Variants in MARK2 observed in about 807,000 individuals in gnomAD.
The protein encoded by MARK2 is microtubule affinity regulating kinase 2, also known as serine/threonine-protein kinase MARK2.
In MARK2, 16 loss-of-function variants were observed where a neutral mutation model predicts 89.8. The ratio of observed to expected loss-of-function variants is 0.18; its 90% CI spans 0.12 to 0.27. MARK2 has a LOEUF of 0.27. Ranked by LOEUF, MARK2 falls within the 10% of genes least tolerant of loss-of-function variation. The pLI, the probability that MARK2 is intolerant of heterozygous loss-of-function variation, is 1.00. For synonymous variants in MARK2, 382 were observed against 399.5 expected, an observed-to-expected ratio of 0.96 and a Z score of 0.52; for missense variants, 621 against 1,049.9, an observed-to-expected ratio of 0.59 and a Z score of 5.65.
At chr11:63,877,308 A>G (rs1362267765) in intron 1 of MARK2, among the ~76,000 whole-genome samples, 2 of 151,488 alleles carry the variant, frequency 1.3e-5, no homozygotes, top group Admixed American at 6.6e-5. Context: ...ATGGGGTTTC[A>G]TCATGTTGGC....
intron 1 of MARK2, among the ~76,000 whole-genome samples, chr11:63,876,175 G>C (rs983891598): frequency 1.1e-4 from 17 of 152,186 alleles, no homozygotes; most frequent in African/African-American, 3.1e-4. Context: ...CCTGGGTGCA[G>C]ACTTGAACCC....
chr11:63,851,274 A>G (rs948492446), intron 1 of MARK2, among the ~76,000 whole-genome samples: 7 of 152,004 alleles, frequency 4.6e-5, no homozygotes, highest in Non-Finnish European at 8.8e-5. Context: ...GTTTTTTCAC[A>G]TTGAAGCTGT....
In MARK2 at chr11:63,898,782, A is replaced by G. The variant is rs767380393; in HGVS notation, c.423A>G (p.Leu141=). 1.6e-5 allele frequency: 26 copies of G among 1,614,122 alleles called. No individual in the cohort carries two copies. Among genetic ancestry groups the G allele is most frequent in the Non-Finnish European group, 2.2e-5 (26 of 1,180,004 alleles). ...TTACAGGAGAGGTATTTGATTACCT[A>G]GTGGCTCATGGCAGGATGAAAGAAA... ...YASGGEVFDY[L]VAHGRMKEKE... The change falls in exon 6 of 19, where the codon CTA becomes CTG. Residue 141 remains leucine (L), a synonymous_variant. Coordinates refer to ENST00000402010, the MANE Select transcript of MARK2 (RefSeq NM_001039469.3).
chr11:63,888,045 G>C (rs560908453), intron 1 of MARK2, among the ~76,000 whole-genome samples: 1 of 152,208 alleles, frequency 6.6e-6, no homozygotes, highest in South Asian at 2.1e-4. Flanking sequence ...AGTGATAAAG[G>C]CTCTTAATCT....
At chr11:63,845,405 G>T (rs2016229021) in intron 1 of MARK2, among the ~76,000 whole-genome samples, 1 of 152,198 alleles carries the variant, frequency 6.6e-6, no homozygotes, top group Non-Finnish European at 1.5e-5. Flanking sequence ...TGACAAACCA[G>T]ATAGGTGGCT....
chr11:63,898,152 C>T (rs901212506), intron 3 of MARK2, 80 bp from the exon 4 acceptor site: 22 of 1,300,392 alleles, frequency 1.7e-5, no homozygotes, highest in Non-Finnish European at 2.3e-5. Flanking sequence ...TTGGGAAAAA[C>T]AAATCCTGGC....
intron 1 of MARK2, among the ~76,000 whole-genome samples, chr11:63,875,660 C>T (rs1938706733): frequency 6.6e-6 from 1 of 152,182 alleles, no homozygotes; most frequent in African/African-American, 2.4e-5. Flanking sequence ...GGAAACCGCC[C>T]TTGAGATGGG....
At chr11:63,895,686 T>TTTTTTG in intron 3 of MARK2, 53 bp downstream of exon 3, 1 of 1,059,838 alleles carries the variant, frequency 9.4e-7, no homozygotes, top group Non-Finnish European at 1.3e-6. Context: ...TTTTTTTTTT[T>TTTTTTG]GAGTCAGAGC....
rs757867779 is a variant in MARK2 at position 63,903,177 on chromosome 11, G to A, written c.1514+19G>A. The stretch of plus-strand genomic sequence containing the variant: ...AAGACAGGTGAGAGACCCGGGCCCT[G>A]CCTGCCTCACTCCCTAGGAGCCATG... On this transcript the variant is annotated intron_variant, in intron 14 of 18. Transcript: ENST00000402010. The surrounding 1 kb of genome is among the most constrained non-coding windows in gnomAD (Gnocchi z 5.1). 6.3e-7 allele frequency: 1 copy of A among 1,584,080 alleles called. No individual in the cohort carries two copies.
intron 1 of MARK2, among the ~76,000 whole-genome samples, chr11:63,842,302 C>T (rs1386268639): frequency 1.3e-5 from 2 of 151,552 alleles, no homozygotes; most frequent in Non-Finnish European, 1.5e-5. Context: ...CTGCAATCTC[C>T]GCCTCCTGGG....
chr11:63,887,362 A>G (rs751602587), intron 1 of MARK2, among the ~76,000 whole-genome samples: 2 of 152,206 alleles, frequency 1.3e-5, no homozygotes, highest in Non-Finnish European at 2.9e-5. Flanking sequence ...CTGAATGCCA[A>G]TTTCTCAATG....
At chr11:63,850,567 C>T (rs1042297351) in intron 1 of MARK2, among the ~76,000 whole-genome samples, 1 of 151,808 alleles carries the variant, frequency 6.6e-6, no homozygotes, top group African/African-American at 2.4e-5. Context: ...TTTTATAAGG[C>T]ATCAATATTA....
chr11:63,841,720 A>T (rs757878589), intron 1 of MARK2, among the ~76,000 whole-genome samples: 5 of 152,230 alleles, frequency 3.3e-5, no homozygotes, highest in Non-Finnish European at 7.3e-5. Flanking sequence ...GCCTACTCTC[A>T]GTGAGGCTGG....
chr11:63,870,364 C>T (rs1938376446), intron 1 of MARK2, among the ~76,000 whole-genome samples: 1 of 152,148 alleles, frequency 6.6e-6, no homozygotes, highest in African/African-American at 2.4e-5. Flanking sequence ...TGAGCCGTGG[C>T]GCCCGGCTGG....
At chr11:63,901,353 C>T (rs1200400206) in intron 11 of MARK2, among the ~76,000 whole-genome samples, 3 of 150,348 alleles carry the variant, frequency 2.0e-5, no homozygotes, top group Non-Finnish European at 4.4e-5. Flanking sequence ...TCTAGGTCAT[C>T]GGCTAGCACT....
intron 1 of MARK2, among the ~76,000 whole-genome samples, chr11:63,844,735 G>A (rs2016192690): frequency 6.6e-6 from 1 of 152,196 alleles, no homozygotes; most frequent in African/African-American, 2.4e-5. Flanking sequence ...CAGGGTTCGA[G>A]CTTTTGGGAG....
intron 1 of MARK2, among the ~76,000 whole-genome samples, chr11:63,866,353 A>C: frequency 9.6e-6 from 1 of 104,396 alleles, no homozygotes; most frequent in African/African-American, 8.4e-5. Flanking sequence ...CTCAGTCTCA[A>C]AAAAAAAAAA....
At chr11:63,907,920 T>C (rs569031593) in intron 17 of MARK2, among the ~76,000 whole-genome samples, 2 of 152,340 alleles carry the variant, frequency 1.3e-5, no homozygotes, top group South Asian at 4.1e-4. Context: ...GGGAGCAGCC[T>C]CGTGCCGGGC....
rs191956586 is a variant in MARK2 at position 63,845,989 on chromosome 11, C to T, written c.54+6429C>T. Among the ~76,000 whole-genome samples the T allele has an allele frequency of 2.6e-5, 4 of 151,378 alleles. No homozygotes were observed. In the East Asian group the frequency reaches 8.0e-4, roughly 30 times the overall value. The stretch of plus-strand genomic sequence containing the variant: ...CCGCCTGCCGTGGCCTCTCAAAGTA[C>T]TGGGATTACAGGAGTGAGCCACCGC... On this transcript the variant is annotated intron_variant, in intron 1 of 18. Coordinates refer to ENST00000402010, the MANE Select transcript of MARK2 (RefSeq NM_001039469.3).
Sources: allele counts gnomAD v4.1 joint callset (sites outside exome capture counted in the v4.1 genomes callset), GRCh38; gene constraint gnomAD v4.1.1; non-coding constraint Gnocchi (gnomAD v3.1); transcripts MANE v1.5; gene names NCBI Gene and HGNC (gene_info 2026-07-23, HGNC 2026-07-21).